The following FMN2 variants were observed in gnomAD, a reference collection of about 807,000 sequenced individuals.
FMN2 encodes the protein formin 2.
FMN2 carries 51 observed loss-of-function variants against 142.3 expected under a neutral mutation model. The ratio of observed to expected loss-of-function variants is 0.36; its 90% CI spans 0.29 to 0.45. The LOEUF (loss-of-function observed/expected upper bound fraction) is 0.45. Ranked by LOEUF, FMN2 falls within the 20% of genes least tolerant of loss-of-function variation. FMN2 has a pLI of 1.00. For synonymous variants in FMN2, 882 were observed against 869.8 expected (o/e 1.01, Z -0.25); for missense variants, 1,936 against 2,122.8 (o/e 0.91, Z 1.73).
chr1:240,145,219 A>G, intron 2 of FMN2: 1 of 1,438,110 alleles, frequency 7.0e-7, no homozygotes, highest in Non-Finnish European at 9.7e-7. Context: ...GTTCATCTTG[A>G]AGCTGTTTAT....
intron 8 of FMN2, among the ~76,000 whole-genome samples, chr1:240,300,750 G>A (rs1341294250): frequency 1.3e-5 from 2 of 152,168 alleles, no homozygotes; most frequent in Admixed American, 6.5e-5. Context: ...TTAGGCACAT[G>A]CATATTTGGA....
intron 13 of FMN2, among the ~76,000 whole-genome samples, chr1:240,354,968 C>T (rs1420941165): frequency 6.6e-6 from 1 of 151,948 alleles, no homozygotes; most frequent in African/African-American, 2.4e-5. Flanking sequence ...TTGCTATTAC[C>T]AAAATGGCAG....
chr1:240,351,331 A>G (rs1394854822), intron 13 of FMN2, among the ~76,000 whole-genome samples: 1 of 152,160 alleles, frequency 6.6e-6, no homozygotes, highest in African/African-American at 2.4e-5. Flanking sequence ...CCCAGAAGCA[A>G]TAAGAATGCA....
At chr1:240,438,276 G>C in intron 16 of FMN2, 66 bp downstream of exon 16, 1 of 1,523,564 alleles carries the variant, frequency 6.6e-7, no homozygotes, top group Non-Finnish European at 8.8e-7. Flanking sequence ...GCACCACTGG[G>C]TTGCCAATTT....
At chr1:240,222,014 A>ATTTTTTTTTTTTT (rs71170722) in intron 6 of FMN2, among the ~76,000 whole-genome samples, 1 of 129,744 alleles carries the variant, frequency 7.7e-6, no homozygotes, top group African/African-American at 2.9e-5. Context: ...CACCCAGCTA[A>ATTTTTTTTTTTTT]TTTTTTTTTT....
Position 240,170,758 on chromosome 1 carries a change from G to A in FMN2, c.1783-7163G>A, listed in dbSNP as rs1190119302. ...GGTGGGGCCTGGCTCTGTTTGGGCC[G>A]TCTTTGGCCTGGGAGGAGTTGGATT... is the stretch of plus-strand genomic sequence containing the variant. On this transcript the variant is annotated intron_variant, in intron 2 of 17. Coordinates refer to ENST00000319653, the MANE Select transcript of FMN2 (RefSeq NM_020066.5). The A allele has an allele frequency of 3.1e-5, 42 of 1,352,142 alleles. No individual in the cohort carries two copies. The East Asian group carries it at 5.5e-4, about 18-fold the overall frequency. The allele number at this position is 1,352,142 out of a possible 1,614,324, so 83.8% of individuals were successfully genotyped here.
intron 8 of FMN2, among the ~76,000 whole-genome samples, chr1:240,304,754 G>A (rs1218249067): frequency 6.6e-6 from 1 of 152,172 alleles, no homozygotes; most frequent in Non-Finnish European, 1.5e-5. Context: ...GAGGACATTG[G>A]GAGGTTGGCT....
chr1:240,425,550 T>C (rs1387924234), intron 15 of FMN2, among the ~76,000 whole-genome samples: 1 of 152,162 alleles, frequency 6.6e-6, no homozygotes, highest in Non-Finnish European at 1.5e-5. Flanking sequence ...AGGTGCTCTC[T>C]TAGGTTGTTT....
At chr1:240,242,173 C>G (rs1345971804) in intron 6 of FMN2, among the ~76,000 whole-genome samples, 5 of 152,124 alleles carry the variant, frequency 3.3e-5, no homozygotes, top group African/African-American at 1.2e-4. Flanking sequence ...TCAACTGGAA[C>G]ACGTATGTCT....
chr1:240,380,144 T>G (rs1028440251), intron 14 of FMN2, among the ~76,000 whole-genome samples: 1 of 152,160 alleles, frequency 6.6e-6, no homozygotes, highest in Non-Finnish European at 1.5e-5. Context: ...GGAAAAACAT[T>G]TATAGAATAT....
chr1:240,184,512 G>A (rs551500175), intron 3 of FMN2, among the ~76,000 whole-genome samples: 3 of 145,188 alleles, frequency 2.1e-5, no homozygotes, highest in Admixed American at 6.9e-5. Context: ...CATTGCGCCC[G>A]GCCTGTTTTT....
chr1:240,202,984 T>C (rs778256360), intron 4 of FMN2, among the ~76,000 whole-genome samples: 2 of 152,164 alleles, frequency 1.3e-5, no homozygotes, highest in African/African-American at 2.4e-5. Context: ...AAAACCCTAG[T>C]TATGTACCAG....
intron 4 of FMN2, among the ~76,000 whole-genome samples, chr1:240,192,742 A>G (rs1032088005): frequency 2.0e-5 from 3 of 152,170 alleles, no homozygotes; most frequent in Admixed American, 2.0e-4. Context: ...ATGGTTAGGA[A>G]GGGAAGAGAA....
At position 240,188,256 on chromosome 1, in the gene FMN2, C is replaced by T. The variant is rs1253616614; in HGVS notation, c.1980C>T (p.Val660=). The T allele has an allele frequency of 1.9e-6, 3 of 1,613,402 alleles. No homozygotes were observed. Among genetic ancestry groups the T allele is most frequent in the Non-Finnish European group, 1.7e-6 (2 of 1,179,592 alleles). Residue 660 remains valine, a synonymous_variant, in exon 4 of 18, where the codon GTC becomes GTT. Coordinates refer to ENST00000319653, the MANE Select transcript of FMN2 (RefSeq NM_020066.5). ...SETPQKRSDA[V]QKEVVDMKSE... ...CTCCCCAAAAACGCTCAGATGCTGT[C>T]CAGAAGGTAAGATGATCTTATTAGG...
At chr1:240,305,991 C>A (rs1008237482) in intron 8 of FMN2, among the ~76,000 whole-genome samples, 1 of 147,674 alleles carries the variant, frequency 6.8e-6, no homozygotes, top group Non-Finnish European at 1.5e-5. Flanking sequence ...GCTCTGTCAC[C>A]CAGGCTGGAG....
chr1:240,153,508 T>C (rs1663876608), intron 2 of FMN2, among the ~76,000 whole-genome samples: 1 of 150,616 alleles, frequency 6.6e-6, no homozygotes. Flanking sequence ...CACAGGTGCA[T>C]GCCACCATGC....
In FMN2 at chr1:240,359,914, C is replaced by T. The variant is rs80243504; in HGVS notation, c.4858+4006C>T. On this transcript the variant is annotated intron_variant, in intron 14 of 17. Coordinates refer to ENST00000319653, the MANE Select transcript of FMN2 (RefSeq NM_020066.5). ...CAGTTTTGCTTTGCTTCTTGCCGTA[C>T]CCCTGTACCTAGAACAATGCACAGT... is the stretch of plus-strand genomic sequence containing the variant. Among the ~76,000 whole-genome samples the T allele has an allele frequency of 2.6e-3, 401 of 152,274 alleles. 3 individuals are homozygous for T. Among genetic ancestry groups the T allele is most frequent in the African/African-American group, 8.9e-3 (368 of 41,546 alleles).
chr1:240,151,916 A>T (rs186172226), intron 2 of FMN2, among the ~76,000 whole-genome samples: 1 of 152,024 alleles, frequency 6.6e-6, no homozygotes, highest in East Asian at 1.9e-4. Flanking sequence ...GCAGATGTGC[A>T]CCACCTAGCC....
chr1:240,383,582 C>A (rs1312930995), intron 14 of FMN2, among the ~76,000 whole-genome samples: 2 of 152,010 alleles, frequency 1.3e-5, no homozygotes, highest in Non-Finnish European at 2.9e-5. Flanking sequence ...TATTAGCAAG[C>A]CAAAAACAGC....
Sources: allele counts gnomAD v4.1 joint callset (sites outside exome capture counted in the v4.1 genomes callset), GRCh38; gene constraint gnomAD v4.1.1; transcripts MANE v1.5; gene names NCBI Gene and HGNC (gene_info 2026-07-23, HGNC 2026-07-21).